The following ZBTB7C variants were observed in gnomAD, a reference collection of about 807,000 sequenced individuals.
ZBTB7C encodes zinc finger and BTB domain-containing protein 7C.
Under a neutral mutation model 25.7 loss-of-function variants are expected in ZBTB7C, and 8 were observed. That is an observed-to-expected ratio of 0.31 (90% CI 0.18 to 0.56). ZBTB7C has a LOEUF of 0.56. Ranked by LOEUF, ZBTB7C falls within the 20% of genes least tolerant of loss-of-function variation. The pLI, the probability that ZBTB7C is intolerant of heterozygous loss-of-function variation, is 0.91. For synonymous variants in ZBTB7C, 394 were observed against 369.0 expected (o/e 1.07, Z -0.78); for missense variants, 824 against 855.2 (o/e 0.96, Z 0.46).
At chr18:48,079,556 C>T (rs765678366) in intron 3 of ZBTB7C, among the ~76,000 whole-genome samples, 4 of 152,186 alleles carry the variant, frequency 2.6e-5, no homozygotes, top group Non-Finnish European at 4.4e-5. Flanking sequence ...CCTAACCCCT[C>T]CCCTCCTGGC....
At chr18:48,194,168 C>T (rs1308375473) in intron 2 of ZBTB7C, among the ~76,000 whole-genome samples, 7 of 152,208 alleles carry the variant, frequency 4.6e-5, no homozygotes, top group Admixed American at 2.6e-4. Context: ...CTTCATCTCC[C>T]TAGTCTGGCT....
chr18:48,331,459 A>T (rs2046340666), intron 2 of ZBTB7C, among the ~76,000 whole-genome samples: 1 of 152,174 alleles, frequency 6.6e-6, no homozygotes, highest in African/African-American at 2.4e-5. Flanking sequence ...ACAGTTCTGG[A>T]ACCCAGGATT....
chr18:48,297,309 G>A (rs1281631789), intron 2 of ZBTB7C, among the ~76,000 whole-genome samples: 4 of 152,064 alleles, frequency 2.6e-5, no homozygotes, highest in Admixed American at 6.5e-5. Flanking sequence ...ACCCAGCATC[G>A]TCATATCTTA....
At chr18:48,094,145 C>T (rs762850750) in intron 3 of ZBTB7C, among the ~76,000 whole-genome samples, 2 of 152,238 alleles carry the variant, frequency 1.3e-5, no homozygotes, top group African/African-American at 4.8e-5. Flanking sequence ...GCACTTTATT[C>T]TGGCTACTGT....
intron 2 of ZBTB7C, among the ~76,000 whole-genome samples, chr18:48,269,496 A>T (rs941781252): frequency 6.6e-6 from 1 of 152,222 alleles, no homozygotes; most frequent in Non-Finnish European, 1.5e-5. Flanking sequence ...ACATATAATC[A>T]GGCACCTTAG....
At chr18:48,114,606 A>G (rs551746206) in intron 3 of ZBTB7C, among the ~76,000 whole-genome samples, 1 of 152,348 alleles carries the variant, frequency 6.6e-6, no homozygotes, top group East Asian at 1.9e-4. Context: ...GTCTAAAAAA[A>G]AAAAGTTCTC....
At chr18:48,209,225 C>T (rs553312988) in intron 2 of ZBTB7C, among the ~76,000 whole-genome samples, 12 of 152,260 alleles carry the variant, frequency 7.9e-5, no homozygotes, top group South Asian at 2.1e-4. Flanking sequence ...AGGCTCCAAA[C>T]GGAAATGTGC....
intron 2 of ZBTB7C, among the ~76,000 whole-genome samples, chr18:48,243,273 A>C (rs952741699): frequency 4.1e-5 from 6 of 145,912 alleles, no homozygotes; most frequent in African/African-American, 1.5e-4. Flanking sequence ...CCCCCCACAA[A>C]AAAAAAAAAA....
intron 2 of ZBTB7C, among the ~76,000 whole-genome samples, chr18:48,265,512 G>A (rs779984113): frequency 1.4e-4 from 22 of 152,150 alleles, no homozygotes; most frequent in Non-Finnish European, 1.8e-4. Flanking sequence ...GGATTGTAAC[G>A]GAACATACCC....
At chr18:48,098,625 A>G (rs1386323472) in intron 3 of ZBTB7C, among the ~76,000 whole-genome samples, 1 of 152,094 alleles carries the variant, frequency 6.6e-6, no homozygotes, top group Non-Finnish European at 1.5e-5. Flanking sequence ...CTCCGCTCCC[A>G]TCCGGGTCCC....
chr18:48,137,324 A>G, intron 3 of ZBTB7C: 1 of 985,446 alleles, frequency 1.0e-6, no homozygotes, highest in Non-Finnish European at 1.2e-6. Context: ...TCTTTGGAAA[A>G]GGTAAAGCAG....
At chr18:48,288,844 G>T (rs947928028) in intron 2 of ZBTB7C, among the ~76,000 whole-genome samples, 3 of 152,064 alleles carry the variant, frequency 2.0e-5, no homozygotes, top group African/African-American at 7.2e-5. Flanking sequence ...AATTTTTATT[G>T]TTTATAAACT....
intron 3 of ZBTB7C, among the ~76,000 whole-genome samples, chr18:48,062,717 A>G (rs1250863332): frequency 6.6e-6 from 1 of 152,248 alleles, no homozygotes; most frequent in African/African-American, 2.4e-5. Context: ...AAACTGGGAT[A>G]ACTCATGGGT....
chr18:48,257,944 G>A (rs1473244740), intron 2 of ZBTB7C, among the ~76,000 whole-genome samples: 1 of 152,142 alleles, frequency 6.6e-6, no homozygotes, highest in Non-Finnish European at 1.5e-5. Context: ...TGAGGCAGGA[G>A]GATCACCTGA....
intron 2 of ZBTB7C, among the ~76,000 whole-genome samples, chr18:48,314,398 T>C (rs1023178118): frequency 1.3e-5 from 2 of 152,132 alleles, no homozygotes; most frequent in African/African-American, 4.8e-5. Flanking sequence ...TCTCAAGTTA[T>C]AAAGGGATGA....
At chr18:48,276,191 T>C (rs1041794339) in intron 2 of ZBTB7C, among the ~76,000 whole-genome samples, 9 of 150,770 alleles carry the variant, frequency 6.0e-5, no homozygotes, top group African/African-American at 2.2e-4. Context: ...AAAACAACCC[T>C]CTTCATTCCT....
At chr18:48,301,778 T>C (rs1317459163) in intron 2 of ZBTB7C, among the ~76,000 whole-genome samples, 1 of 152,148 alleles carries the variant, frequency 6.6e-6, no homozygotes, top group Non-Finnish European at 1.5e-5. Context: ...TCTCTACTTT[T>C]AATTGCAAGG....
intron 1 of ZBTB7C, among the ~76,000 whole-genome samples, chr18:48,348,428 C>T (rs1228760320): frequency 1.3e-5 from 2 of 152,234 alleles, no homozygotes; most frequent in Admixed American, 1.3e-4. Flanking sequence ...CTCTTCACTG[C>T]CACACTTCCC....
chr18:48,223,543 C>T (rs1031153221), intron 2 of ZBTB7C, among the ~76,000 whole-genome samples: 1 of 152,170 alleles, frequency 6.6e-6, no homozygotes, highest in South Asian at 2.1e-4. Flanking sequence ...TTACAATGGG[C>T]TTTTTGGCTG....
Sources: allele counts gnomAD v4.1 joint callset (sites outside exome capture counted in the v4.1 genomes callset), GRCh38; gene constraint gnomAD v4.1.1; transcripts MANE v1.5; gene names NCBI Gene and HGNC (gene_info 2026-07-23, HGNC 2026-07-21).